The following CSRNP3 variants were observed in gnomAD, a reference collection of about 807,000 sequenced individuals.
The protein encoded by CSRNP3 is cysteine/serine-rich nuclear protein 3.
CSRNP3 carries 12 observed loss-of-function variants against 48.0 expected under a neutral mutation model. The observed-to-expected ratio is 0.25, with a 90% confidence interval of 0.16 to 0.41. The LOEUF (loss-of-function observed/expected upper bound fraction) is 0.41, where lower values mean the gene tolerates loss of function less well. Ranked by LOEUF, CSRNP3 falls within the 10% of genes least tolerant of loss-of-function variation. CSRNP3 has a pLI of 1.00. For synonymous variants in CSRNP3, 263 were observed against 269.7 expected (o/e 0.98, Z 0.24); for missense variants, 580 against 724.4 (o/e 0.80, Z 2.29).
intron 4 of CSRNP3, among the ~76,000 whole-genome samples, chr2:165,636,939 A>G (rs1021724489): frequency 1.3e-5 from 2 of 152,176 alleles, no homozygotes; most frequent in Non-Finnish European, 2.9e-5. Context: ...CCTCTATGGA[A>G]GACAACCAGC....
chr2:165,612,182 A>G (rs1389921401), intron 4 of CSRNP3, among the ~76,000 whole-genome samples: 2 of 152,060 alleles, frequency 1.3e-5, no homozygotes, highest in African/African-American at 4.8e-5. Flanking sequence ...GAAGCCAATT[A>G]ATTCTCTAAT....
intron 4 of CSRNP3, among the ~76,000 whole-genome samples, chr2:165,621,411 A>G (rs1160142904): frequency 1.3e-5 from 2 of 151,918 alleles, no homozygotes; most frequent in Non-Finnish European, 2.9e-5. Context: ...AATGGAAGGT[A>G]CAGAACAAAG....
At chr2:165,587,188 T>C (rs2105288268) in intron 3 of CSRNP3, among the ~76,000 whole-genome samples, 1 of 152,354 alleles carries the variant, frequency 6.6e-6, no homozygotes, top group Admixed American at 6.5e-5. Flanking sequence ...GAATAACAGA[T>C]TTCTGAGATC....
At chr2:165,674,629 A>T (rs1436474497) in intron 5 of CSRNP3, among the ~76,000 whole-genome samples, 2 of 144,760 alleles carry the variant, frequency 1.4e-5, no homozygotes, top group African/African-American at 2.6e-5. Flanking sequence ...ATATAAATAA[A>T]ATATATATAT....
chr2:165,615,901 T>G (rs1474823223), intron 4 of CSRNP3, among the ~76,000 whole-genome samples: 1 of 148,382 alleles, frequency 6.7e-6, no homozygotes, highest in African/African-American at 2.5e-5. Context: ...TTTTTTTTTT[T>G]TTTTTTTTTT....
At chr2:165,495,486 A>G (rs1283961810) in intron 2 of CSRNP3, among the ~76,000 whole-genome samples, 1 of 152,024 alleles carries the variant, frequency 6.6e-6, no homozygotes, top group Non-Finnish European at 1.5e-5. Flanking sequence ...CAAGCAGTTC[A>G]TGTGAATAAT....
intron 3 of CSRNP3, among the ~76,000 whole-genome samples, chr2:165,563,731 T>A (rs977149763): frequency 1.3e-5 from 2 of 152,130 alleles, no homozygotes; most frequent in Non-Finnish European, 2.9e-5. Context: ...AGAGACATAG[T>A]ATTAAGACAC....
intron 2 of CSRNP3, among the ~76,000 whole-genome samples, chr2:165,497,220 A>T (rs1323172706): frequency 6.6e-6 from 1 of 152,090 alleles, no homozygotes. Flanking sequence ...AGAGGAGAAT[A>T]CTTAAGCTAT....
chr2:165,527,199 C>CTTTTTTTTTTTTTT (rs535826285), intron 3 of CSRNP3, among the ~76,000 whole-genome samples: 1 of 87,296 alleles, frequency 1.1e-5, no homozygotes, highest in African/African-American at 4.6e-5. Context: ...GCTGTTTGTA[C>CTTTTTTTTTTTTTT]TTTTTTTTTT....
chr2:165,502,795 T>C (rs1388915114), intron 2 of CSRNP3, among the ~76,000 whole-genome samples: 7 of 151,872 alleles, frequency 4.6e-5, no homozygotes, highest in African/African-American at 1.7e-4. Context: ...ATAAATACGT[T>C]CATATATGCA....
At chr2:165,645,908 G>A (rs13011474) in intron 4 of CSRNP3, among the ~76,000 whole-genome samples, 2 of 143,810 alleles carry the variant, frequency 1.4e-5, no homozygotes, top group African/African-American at 5.9e-5. Flanking sequence ...TGTTTTTTTT[G>A]TTTTGTTTTG....
At chr2:165,532,001 G>T (rs1332526658) in intron 3 of CSRNP3, among the ~76,000 whole-genome samples, 2 of 151,926 alleles carry the variant, frequency 1.3e-5, no homozygotes, top group African/African-American at 2.4e-5. Flanking sequence ...CTCCCAAGAC[G>T]AAACCAGGAA....
chr2:165,680,681 G>C lies in CSRNP3; in HGVS notation c.*928G>C, dbSNP rs1687519610. 1 of 152,100 alleles carries C rather than the reference G, an allele frequency of 6.6e-6. No individual in the cohort carries two copies. The allele number at this position is 152,100 out of a possible 1,614,324, so 9.4% of individuals were successfully genotyped here. A position where few individuals can be genotyped will look rare whatever the true frequency, so the allele number is the denominator to read the frequency against. On this transcript the variant is annotated 3_prime_UTR_variant, in exon 7 of 7. Transcript: ENST00000651982. ...GGGGTGGGGACTGAGAACTCTTTGA[G>C]ATGAAAAAATTTAAAAAAAAATTAA...
At chr2:165,654,763 G>A (rs1686974147) in intron 4 of CSRNP3, among the ~76,000 whole-genome samples, 1 of 152,180 alleles carries the variant, frequency 6.6e-6, no homozygotes, top group Admixed American at 6.5e-5. Flanking sequence ...CTGAGTAGCT[G>A]GGATTGCAGG....
intron 1 of CSRNP3, among the ~76,000 whole-genome samples, chr2:165,487,760 C>T (rs1284146229): frequency 6.7e-6 from 1 of 150,366 alleles, no homozygotes; most frequent in Non-Finnish European, 1.5e-5. Flanking sequence ...GATTTTGTCA[C>T]CACCAGGCCT....
intron 2 of CSRNP3, among the ~76,000 whole-genome samples, chr2:165,496,227 C>G (rs774322246): frequency 4.0e-5 from 6 of 151,882 alleles, no homozygotes; most frequent in Non-Finnish European, 8.8e-5. Context: ...AAAACACTTG[C>G]GAGAAGGGAA....
At chr2:165,599,283 G>GAAAGAAAGAAAGAAAGAAAGAAAGAA (rs1553478329) in intron 4 of CSRNP3, among the ~76,000 whole-genome samples, 3 of 104,746 alleles carry the variant, frequency 2.9e-5, no homozygotes, top group African/African-American at 1.1e-4. Flanking sequence ...AAGAGAGAGA[G>GAAAGAAAGAAAGAAAGAAAGAAAGAA]AGAAAGAAAG....
chr2:165,492,934 TAA>T (rs374777311), intron 1 of CSRNP3, among the ~76,000 whole-genome samples: 18 of 90,722 alleles, frequency 2.0e-4, no homozygotes, highest in Admixed American at 2.5e-4. Flanking sequence ...TCAAATTCCC[TAA>T]AAAAAAAAAA....
chr2:165,472,007 A>G (rs1380949896), intron 1 of CSRNP3, among the ~76,000 whole-genome samples: 1 of 152,010 alleles, frequency 6.6e-6, no homozygotes, highest in Non-Finnish European at 1.5e-5. Context: ...CATTTTTAAG[A>G]TTTAAATGTA....
Sources: allele counts gnomAD v4.1 joint callset (sites outside exome capture counted in the v4.1 genomes callset), GRCh38; gene constraint gnomAD v4.1.1; transcripts MANE v1.5; gene names NCBI Gene and HGNC (gene_info 2026-07-23, HGNC 2026-07-21).